COL25A1: variants seen among roughly 807,000 people sequenced by gnomAD.
COL25A1 encodes collagen alpha-1(XXV) chain.
In COL25A1, 103 loss-of-function variants were observed where a neutral mutation model predicts 128.4. That is an observed-to-expected ratio of 0.80 (90% CI 0.68 to 0.94). The LOEUF (loss-of-function observed/expected upper bound fraction) is 0.94. COL25A1 is among the 40% of genes least tolerant of loss of function. The pLI, the probability that COL25A1 is intolerant of heterozygous loss-of-function variation, is 0.00. For missense variants in COL25A1, 745 were observed against 840.0 expected, an observed-to-expected ratio of 0.89 and a Z score of 1.40; for synonymous variants, 279 against 277.2, an observed-to-expected ratio of 1.01 and a Z score of -0.06.
At chr4:108,876,918 A>T (rs1739520859) in intron 19 of COL25A1, among the ~76,000 whole-genome samples, 2 of 152,200 alleles carry the variant, frequency 1.3e-5, no homozygotes, top group South Asian at 4.1e-4. Context: ...GAGTTAAAAA[A>T]CCAGGTCTCA....
intron 6 of COL25A1, among the ~76,000 whole-genome samples, chr4:108,989,578 T>C (rs553347328): frequency 2.6e-5 from 4 of 152,232 alleles, no homozygotes; most frequent in Non-Finnish European, 4.4e-5. Flanking sequence ...TTCTGCCTGA[T>C]TTAAGAGTTC....
chr4:109,239,095 T>A (rs1480344170), intron 3 of COL25A1, among the ~76,000 whole-genome samples: 1 of 151,986 alleles, frequency 6.6e-6, no homozygotes, highest in Non-Finnish European at 1.5e-5. Flanking sequence ...AACCAACTAC[T>A]CTTAAATGCA....
At position 109,126,062 on chromosome 4, in the gene COL25A1, C is replaced by G. The variant is rs143345792; in HGVS notation, c.368-75883G>C. Among the ~76,000 whole-genome samples the G allele has an allele frequency of 6.6e-3, 1,009 of 152,064 alleles. 10 individuals carry two copies. The highest frequency in any genetic ancestry group is 0.012 in the Non-Finnish European group (810 of 67,976). ...ATTATTTCCTATGTGCTTTGCTGTGCCGTAATATTTTTTGTAGGAAGAAAA... is the reference window on the plus strand; with the variant it reads ...ATTATTTCCTATGTGCTTTGCTGTGGCGTAATATTTTTTGTAGGAAGAAAA... On this transcript the variant is annotated intron_variant, in intron 3 of 37. Coordinates refer to ENST00000399132, the MANE Select transcript of COL25A1 (RefSeq NM_198721.4).
At chr4:108,890,388 A>G (rs1741346255) in intron 16 of COL25A1, among the ~76,000 whole-genome samples, 1 of 152,222 alleles carries the variant, frequency 6.6e-6, no homozygotes, top group South Asian at 2.1e-4. Context: ...AGGGGGACAC[A>G]TGTGAGCTCT....
chr4:108,913,239 GTGTGGTCTC>G (rs1744450861), intron 13 of COL25A1, among the ~76,000 whole-genome samples: 1 of 129,512 alleles, frequency 7.7e-6, no homozygotes, highest in African/African-American at 2.7e-5. Context: ...ATGGGACTTT[GTGTGGTCTC>G]TGTCTCTAGC....
At chr4:109,218,366 T>TTTTTTTTTTTTTTTTTTTTTTG (rs1778187103) in intron 3 of COL25A1, among the ~76,000 whole-genome samples, 1 of 134,036 alleles carries the variant, frequency 7.5e-6, no homozygotes, top group Non-Finnish European at 1.6e-5. Flanking sequence ...GGTTTTTTTT[T>TTTTTTTTTTTTTTTTTTTTTTG]TTTTTTTTTT....
At chr4:109,155,226 T>G (rs911777428) in intron 3 of COL25A1, among the ~76,000 whole-genome samples, 2 of 152,196 alleles carry the variant, frequency 1.3e-5, no homozygotes, top group African/African-American at 4.8e-5. Context: ...TTCCTCTCCT[T>G]CTTCTACAAG....
chr4:109,039,089 CCA>C (rs1253701036), intron 5 of COL25A1, among the ~76,000 whole-genome samples: 1 of 152,110 alleles, frequency 6.6e-6, no homozygotes, highest in Non-Finnish European at 1.5e-5. Context: ...TAAATCCACC[CCA>C]GTCTCTACAT....
In COL25A1 at chr4:109,146,313, G is replaced by A. The variant is rs762837799; in HGVS notation, c.368-96134C>T. Among the ~76,000 whole-genome samples, 6 of 152,218 alleles carry A rather than the reference G, an allele frequency of 3.9e-5. 1 individual carries two copies. In the South Asian group the frequency reaches 6.2e-4, roughly 16 times the overall value. ...AGAAAAGTCTATTTACATCTTATTT[G>A]CAATTTCCACTTCACTTAGATGGTT... On this transcript the variant is annotated intron_variant, in intron 3 of 37. Coordinates refer to ENST00000399132, the MANE Select transcript of COL25A1 (RefSeq NM_198721.4).
intron 3 of COL25A1, among the ~76,000 whole-genome samples, chr4:109,289,488 A>T (rs542178811): frequency 4.8e-4 from 73 of 152,218 alleles, no homozygotes; most frequent in Non-Finnish European, 8.8e-4. Context: ...ACTTTTTGAA[A>T]TGTAGGAGAA....
intron 3 of COL25A1, among the ~76,000 whole-genome samples, chr4:109,086,484 G>T (rs547659171): frequency 2.6e-5 from 4 of 152,200 alleles, no homozygotes; most frequent in Non-Finnish European, 5.9e-5. Flanking sequence ...TTCTATTTTT[G>T]CTTTGAGATA....
In COL25A1 at chr4:109,018,371, C is replaced by T. The variant is rs200707304; in HGVS notation, c.421-7996G>A. 3.2e-4 allele frequency among the ~76,000 whole-genome samples: 48 copies of T among 152,226 alleles called. No homozygotes were observed. The East Asian group carries it at 4.1e-3, about 13-fold the overall frequency. ...TCCCAAGTAGCTGGGATTACAGGCA[C>T]GCTCCACCACTCCCAGAAAATTTTT... On this transcript the variant is annotated intron_variant, in intron 5 of 37. Transcript: ENST00000399132.
At chr4:108,938,464 G>A (rs1334509391) in intron 10 of COL25A1, among the ~76,000 whole-genome samples, 1 of 152,074 alleles carries the variant, frequency 6.6e-6, no homozygotes. Flanking sequence ...TGTAATCTCA[G>A]CTATTTGGGA....
At chr4:109,248,249 T>C (rs1300478817) in intron 3 of COL25A1, among the ~76,000 whole-genome samples, 1 of 151,668 alleles carries the variant, frequency 6.6e-6, no homozygotes, top group Non-Finnish European at 1.5e-5. Context: ...ATTATGAGTA[T>C]TCAATAGAAT....
At position 109,301,934 on chromosome 4, in the gene COL25A1, C is replaced by A; in HGVS notation, c.86G>T (p.Arg29Leu). The A allele has an allele frequency of 1.2e-6, 2 of 1,613,906 alleles. No individual in the cohort carries two copies. Among genetic ancestry groups the A allele is most frequent in the Non-Finnish European group, 1.7e-6 (2 of 1,180,020 alleles). The change falls in exon 2 of 38, where the codon CGG (arginine) becomes CTG (leucine). Residue 29 changes from arginine to leucine, a missense_variant. Coordinates refer to ENST00000399132, the MANE Select transcript of COL25A1 (RefSeq NM_198721.4). ...DPTPAEQHCA[R>L]TMPPCAVLAA... ...CAGGACGGCACACGGGGGCATGGTC[C>A]GGGCACAATGCTGTTCGGCAGGGGT...
At chr4:109,093,638 C>A (rs986477853) in intron 3 of COL25A1, among the ~76,000 whole-genome samples, 1 of 151,698 alleles carries the variant, frequency 6.6e-6, no homozygotes, top group African/African-American at 2.4e-5. Context: ...AAGACCCTAT[C>A]TCTTAAAAGA....
At chr4:109,009,190 ATTCCAT>A (rs1756343480) in intron 6 of COL25A1, among the ~76,000 whole-genome samples, 1 of 152,242 alleles carries the variant, frequency 6.6e-6, no homozygotes, top group Non-Finnish European at 1.5e-5. Context: ...CTTTGTCTTC[ATTCCAT>A]TGTAATATGG....
At position 109,274,862 on chromosome 4, in the gene COL25A1, C is replaced by T. The variant is rs996125915; in HGVS notation, c.367+25721G>A. Among the ~76,000 whole-genome samples, 4 of 152,094 alleles carry T rather than the reference C, an allele frequency of 2.6e-5. No individual in the cohort carries two copies. In the East Asian group the frequency reaches 5.8e-4, roughly 22 times the overall value. ...ACTGTGAATCTTCTTATATAACACA[C>T]GAATAATTAACTCTCTCTATGAAAA... On this transcript the variant is annotated intron_variant, in intron 3 of 37. Transcript: ENST00000399132.
chr4:108,974,137 T>A (rs1444870654), intron 8 of COL25A1, among the ~76,000 whole-genome samples: 1 of 152,192 alleles, frequency 6.6e-6, no homozygotes, highest in Admixed American at 6.5e-5. Flanking sequence ...TTACTCAATA[T>A]GTCTAATTAT....
Sources: allele counts gnomAD v4.1 joint callset (sites outside exome capture counted in the v4.1 genomes callset), GRCh38; gene constraint gnomAD v4.1.1; transcripts MANE v1.5; gene names NCBI Gene and HGNC (gene_info 2026-07-23, HGNC 2026-07-21).